MGLL: variants seen among roughly 807,000 people sequenced by gnomAD.
MGLL encodes lysophospholipase homolog.
MGLL carries 7 observed loss-of-function variants against 29.1 expected under a neutral mutation model. That is an observed-to-expected ratio of 0.24 (90% CI 0.14 to 0.45). MGLL has a LOEUF of 0.45. Among genes scored for constraint, MGLL ranks in the 20% least tolerant of loss-of-function variants. MGLL has a pLI of 0.99. For missense variants in MGLL, 356 were observed against 413.6 expected (o/e 0.86, Z 1.21); for synonymous variants, 148 against 168.3 (o/e 0.88, Z 0.93).
intron 3 of MGLL, chr3:127,735,827 C>T (rs2076232629): frequency 1.3e-6 from 2 of 1,598,264 alleles, no homozygotes; most frequent in East Asian, 4.5e-5. Context: ...CGCATCCTTC[C>T]AGGGGAAGAT....
intron 3 of MGLL, among the ~76,000 whole-genome samples, chr3:127,732,868 T>C (rs894868182): frequency 6.6e-6 from 1 of 152,120 alleles, no homozygotes; most frequent in Admixed American, 6.5e-5. Flanking sequence ...ACGGACACCA[T>C]GACTGGGTCT....
At chr3:127,794,744 G>A (rs1392251330) in intron 2 of MGLL, among the ~76,000 whole-genome samples, 1 of 152,180 alleles carries the variant, frequency 6.6e-6, no homozygotes, top group Non-Finnish European at 1.5e-5. Flanking sequence ...CTTCTCTGAT[G>A]TAAGACTGTC....
chr3:127,818,463 T>C (rs2077799517), intron 2 of MGLL, among the ~76,000 whole-genome samples: 1 of 152,152 alleles, frequency 6.6e-6, no homozygotes, highest in Non-Finnish European at 1.5e-5. Context: ...CCCGCCTCTG[T>C]CTTCTGAGTT....
intron 3 of MGLL, among the ~76,000 whole-genome samples, chr3:127,769,950 G>A (rs2076922500): frequency 1.3e-5 from 2 of 152,162 alleles, no homozygotes; most frequent in Admixed American, 6.5e-5. Flanking sequence ...CTGTCATCTC[G>A]ACATCAGCCT....
At chr3:127,773,864 G>T (rs557581197) in intron 3 of MGLL, among the ~76,000 whole-genome samples, 1 of 152,040 alleles carries the variant, frequency 6.6e-6, no homozygotes, top group Non-Finnish European at 1.5e-5. Context: ...TCCTAGGGTC[G>T]CCACCCAAGT....
chr3:127,789,592 G>C (rs2077268076), intron 2 of MGLL, among the ~76,000 whole-genome samples: 1 of 152,170 alleles, frequency 6.6e-6, no homozygotes, highest in South Asian at 2.1e-4. Context: ...CAGCTACTTG[G>C]AAGGCTGAGG....
intron 3 of MGLL, among the ~76,000 whole-genome samples, chr3:127,780,276 A>C (rs961145045): frequency 1.3e-5 from 2 of 152,252 alleles, no homozygotes; most frequent in Non-Finnish European, 2.9e-5. Flanking sequence ...GCTAAGATAC[A>C]AAATAGATTC....
intron 2 of MGLL, among the ~76,000 whole-genome samples, chr3:127,813,122 G>A (rs1354370840): frequency 1.3e-5 from 2 of 152,186 alleles, no homozygotes; most frequent in African/African-American, 4.8e-5. Flanking sequence ...ACCAGAGGCT[G>A]TATGTGGCCG....
At chr3:127,798,060 C>A (rs1484254399) in intron 2 of MGLL, among the ~76,000 whole-genome samples, 3 of 152,140 alleles carry the variant, frequency 2.0e-5, no homozygotes, top group African/African-American at 7.2e-5. Context: ...TTAAAAAGTA[C>A]AAACAACTGA....
chr3:127,752,699 G>A (rs950338392), intron 3 of MGLL, among the ~76,000 whole-genome samples: 10 of 152,020 alleles, frequency 6.6e-5, no homozygotes, highest in African/African-American at 9.7e-5. Context: ...AAAGGAAAAC[G>A]GTGGCAGATG....
In MGLL at chr3:127,735,590, C is replaced by T. The variant is rs958993445; in HGVS notation, c.263-13024G>A. 1.2e-5 allele frequency: 14 copies of T among 1,138,396 alleles called. No homozygotes were observed. The Admixed American group carries it at 2.1e-4, about 17-fold the overall frequency. The allele number at this position is 1,138,396 out of a possible 1,614,324, so 70.5% of individuals were successfully genotyped here. A position where few individuals can be genotyped will look rare whatever the true frequency, so the allele number is the denominator to read the frequency against. ...GAGACTCATACTTATGTGATAAACA[C>T]ATAAAATAAAAAAGCAAGAGAATGA... On this transcript the variant is annotated intron_variant, in intron 3 of 7. Coordinates refer to ENST00000265052, the MANE Select transcript of MGLL (RefSeq NM_007283.7).
At chr3:127,787,443 C>G (rs1161684776) in intron 2 of MGLL, among the ~76,000 whole-genome samples, 36 of 152,236 alleles carry the variant, frequency 2.4e-4, no homozygotes, top group Admixed American at 1.7e-3. Flanking sequence ...AAAACGCTAG[C>G]CTCCTTCCTG....
intron 2 of MGLL, among the ~76,000 whole-genome samples, chr3:127,820,580 T>A (rs2077841202): frequency 6.6e-6 from 1 of 152,252 alleles, no homozygotes; most frequent in African/African-American, 2.4e-5. Flanking sequence ...AATCCAAGAT[T>A]GAGCAATTCT....
chr3:127,794,107 C>T (rs937974723), intron 2 of MGLL, among the ~76,000 whole-genome samples: 2 of 151,988 alleles, frequency 1.3e-5, no homozygotes, highest in African/African-American at 2.4e-5. Flanking sequence ...GCCAGTAGTT[C>T]GAGACCAGGC....
At chr3:127,729,786 GC>G (rs1371234438) in intron 3 of MGLL, among the ~76,000 whole-genome samples, 1 of 152,172 alleles carries the variant, frequency 6.6e-6, no homozygotes, top group African/African-American at 2.4e-5. Context: ...CATTATAGGA[GC>G]CTGCCCTTGA....
chr3:127,792,658 G>A (rs558554153), intron 2 of MGLL, among the ~76,000 whole-genome samples: 2 of 151,786 alleles, frequency 1.3e-5, no homozygotes, highest in East Asian at 1.9e-4. Context: ...AGACGAGATC[G>A]CGCCATTGCA....
At chr3:127,711,253 C>T (rs930046687) in intron 5 of MGLL, 9 of 175,932 alleles carry the variant, frequency 5.1e-5, no homozygotes, top group African/African-American at 1.4e-4. Flanking sequence ...ATTTCCACAT[C>T]GCTGAGCCTC....
intron 3 of MGLL, among the ~76,000 whole-genome samples, chr3:127,742,453 G>A (rs1396454368): frequency 3.9e-5 from 6 of 152,056 alleles, no homozygotes; most frequent in Admixed American, 1.3e-4. Flanking sequence ...AGCCAGGCTT[G>A]GTGGTGGGCA....
intron 2 of MGLL, among the ~76,000 whole-genome samples, chr3:127,813,849 T>C (rs1292921739): frequency 6.6e-6 from 1 of 152,048 alleles, no homozygotes; most frequent in Non-Finnish European, 1.5e-5. Context: ...TCCATGAACC[T>C]CCTGCAAGTC....
Sources: gnomAD v4.1 joint callset for allele counts (sites outside exome capture counted in the v4.1 genomes callset) on GRCh38, gnomAD v4.1.1 for gene constraint, MANE v1.5 for transcripts, NCBI Gene and HGNC (gene_info 2026-07-23, HGNC 2026-07-21) for gene names.